The following PRC1 variants were observed in gnomAD, a reference collection of about 807,000 sequenced individuals.
PRC1 encodes the protein anaphase spindle elongation 1 homolog.
PRC1 carries 54 observed loss-of-function variants against 91.2 expected under a neutral mutation model. That is an observed-to-expected ratio of 0.59 (90% CI 0.48 to 0.74). PRC1 has a LOEUF of 0.74. Among genes scored for constraint, PRC1 ranks in the 30% least tolerant of loss-of-function variants. The probability of loss-of-function intolerance (pLI) is 0.00; values close to 1 mark genes in which losing one functional copy is unlikely to be tolerated. For missense variants in PRC1, 727 were observed against 746.2 expected, an observed-to-expected ratio of 0.97 and a Z score of 0.30; for synonymous variants, 275 against 263.6, an observed-to-expected ratio of 1.04 and a Z score of -0.42.
chr15:90,972,325 G>C (rs529072321), intron 11 of PRC1, among the ~76,000 whole-genome samples: 1 of 151,980 alleles, frequency 6.6e-6, no homozygotes, highest in African/African-American at 2.4e-5. Flanking sequence ...CTGAGCTGCA[G>C]TGAGCCATGA....
At position 90,974,136 on chromosome 15, in the gene PRC1, C is replaced by G. The variant is rs769755548; in HGVS notation, c.1461G>C (p.Lys487Asn). ...LAPNTPGKAR[K>N]LNTTTMSNAT... ...GTGTTTCCCTAAGCCTTGTGTTTAC[C>G]TTACGTGCTTTGCCCGGTGTATTGG... is the stretch of plus-strand genomic sequence containing the variant. The change falls in exon 11 of 15, where the codon AAG (lysine) becomes AAC (asparagine). Residue 487 changes from lysine (K) to asparagine (N), a missense_variant and splice_region_variant. Coordinates refer to ENST00000394249, the MANE Select transcript of PRC1 (RefSeq NM_003981.4). The surrounding 1 kb of genome is among the most constrained non-coding windows in gnomAD (Gnocchi z 4.6). 6.2e-7 allele frequency: 1 copy of G among 1,612,962 alleles called. No individual in the cohort carries two copies. Among genetic ancestry groups the G allele is most frequent in the East Asian group, 2.2e-5 (1 of 44,888 alleles).
chr15:90,967,199 C>T lies in PRC1; in HGVS notation c.1795G>A (p.Glu599Lys). 6.2e-7 allele frequency: 1 copy of T among 1,613,548 alleles called. No homozygotes were observed. The highest frequency in any genetic ancestry group is 8.5e-7 in the Non-Finnish European group (1 of 1,179,438). The change falls in exon 15 of 15, where the codon GAA becomes AAA. Residue 599 changes from glutamate to lysine, a missense_variant. Transcript: ENST00000394249. ...SDSSTVGLQR[E>K]LSKASKSDAT... ...TCAGATTTGGAAGCCTTTGAAAGTT[C>T]TCGCTGTTGAAAAATAAATAACATC...
chr15:90,985,689 G>A (rs1358442419), intron 1 of PRC1: 5 of 151,260 alleles, frequency 3.3e-5, no homozygotes, highest in Admixed American at 3.3e-4. Context: ...CTCCCAAGTA[G>A]CTCAGATTAC....
chr15:90,976,619 A>G (rs577528760), intron 9 of PRC1, 57 bp downstream of exon 9: 2 of 1,350,192 alleles, frequency 1.5e-6, no homozygotes, highest in African/African-American at 2.9e-5. Flanking sequence ...AAAAAGACAT[A>G]CAAATAGTGA....
chr15:90,967,293 C>A (rs1003170792), intron 14 of PRC1, 91 bp from the exon 15 acceptor site: 2 of 1,074,096 alleles, frequency 1.9e-6, no homozygotes, highest in East Asian at 2.4e-5. Context: ...GCAAAAGGTC[C>A]CTTGAAGGTA....
intron 14 of PRC1, chr15:90,968,837 G>A (rs2290203): frequency 0.23 from 299,883 of 1,314,436 alleles, 37,985 homozygotes; most frequent in East Asian, 0.49. Context: ...TCTGTTAAAC[G>A]TGATTTAAAA....
Position 90,969,558 on chromosome 15 carries a change from C to A in PRC1, c.1638G>T (p.Lys546Asn). 2 of 1,613,854 alleles carry A rather than the reference C, an allele frequency of 1.2e-6. No homozygotes were observed. The highest frequency in any genetic ancestry group is 2.2e-5 in the South Asian group (2 of 91,066). The change falls in exon 13 of 15, where the codon AAG becomes AAT. Residue 546 changes from lysine to asparagine, a missense_variant. By Grantham distance (94) the Lys-to-Asn change is moderately conservative (BLOSUM62 0). Coordinates refer to ENST00000394249, the MANE Select transcript of PRC1 (RefSeq NM_003981.4). The part of the protein sequence containing the change: ...TPRTGRHGAN[K>N]ENLELNGSIL... The stretch of plus-strand genomic sequence containing the variant: ...TGCTGCCGTTGAGCTCCAGGTTCTC[C>A]TTGTTGGCTCCATGCCTGCCAGTAC...
rs1293975647 is a variant in PRC1 at position 90,966,307 on chromosome 15, C to T, written c.*824G>A. 2 of 262,546 alleles carry T rather than the reference C, an allele frequency of 7.6e-6. No individual in the cohort carries two copies. Among genetic ancestry groups the T allele is most frequent in the South Asian group, 3.6e-5 (1 of 27,428 alleles). 16.3% of individuals were successfully genotyped at this position (262,546 alleles called of 1,614,324 possible). A position where few individuals can be genotyped will look rare whatever the true frequency, so the allele number is the denominator to read the frequency against. Reference sequence around the variant, plus strand: ...TGGAAGCTAGAGCAGGAACACCTCCCCAGTAGTGACATGTGCAAAGTTCCA... The same window carrying T: ...TGGAAGCTAGAGCAGGAACACCTCCTCAGTAGTGACATGTGCAAAGTTCCA... On this transcript the variant is annotated 3_prime_UTR_variant, in exon 15 of 15. Transcript: ENST00000394249.
In PRC1 at chr15:90,987,068, G is replaced by A. The variant is rs78996369; in HGVS notation, c.12-2243C>T. ...GCAGGAAAACTGTTTGAGCCCAGGA[G>A]TTTCAGATCATTCTGGGCAACATAG... is the stretch of plus-strand genomic sequence containing the variant. On this transcript the variant is annotated intron_variant, in intron 1 of 14. Coordinates refer to ENST00000394249, the MANE Select transcript of PRC1 (RefSeq NM_003981.4). Among the ~76,000 whole-genome samples the A allele has an allele frequency of 7.5e-5, 11 of 146,106 alleles. 1 individual carries two copies. Among genetic ancestry groups the A allele is most frequent in the African/African-American group, 2.6e-4 (10 of 39,134 alleles).
At chr15:90,968,491 G>T (rs2037740334) in intron 14 of PRC1, 5 of 985,866 alleles carry the variant, frequency 5.1e-6, no homozygotes, top group Non-Finnish European at 6.0e-6. Context: ...GTAAAAGGCA[G>T]TGTAGTTAGG....
intron 14 of PRC1, 199 bp downstream of exon 14, chr15:90,968,875 CCAATT>C: frequency 1.5e-6 from 2 of 1,378,332 alleles, no homozygotes; most frequent in Non-Finnish European, 1.9e-6. Context: ...GGCTGAGAAT[CCAATT>C]CAAGTCTGAA....
chr15:90,978,191 A>G (rs2038893198), intron 8 of PRC1, among the ~76,000 whole-genome samples: 1 of 152,222 alleles, frequency 6.6e-6, no homozygotes, highest in Non-Finnish European at 1.5e-5. Flanking sequence ...GTTGCCTATC[A>G]GAAGAAAAGG....
Position 90,984,288 on chromosome 15 carries a change from G to T in PRC1, c.145-148C>A. ...CTGTTGCCCAGGCTGGAGTGCAATG[G>T]CGTGCTTTCGGCTCACTGCAACCTC... On this transcript the variant is annotated intron_variant, in intron 2 of 14. Coordinates refer to ENST00000394249, the MANE Select transcript of PRC1 (RefSeq NM_003981.4). This position sits in a 1 kb window ranked among gnomAD's most constrained non-coding sequence, Gnocchi z 5.1. 8.9e-7 allele frequency: 1 copy of T among 1,121,692 alleles called. No homozygotes were observed. Among genetic ancestry groups the T allele is most frequent in the Non-Finnish European group, 1.3e-6 (1 of 796,000 alleles). The allele number at this position is 1,121,692 out of a possible 1,614,324, so 69.5% of individuals were successfully genotyped here.
chr15:90,973,541 C>T (rs935055341), intron 11 of PRC1, among the ~76,000 whole-genome samples: 4 of 151,816 alleles, frequency 2.6e-5, no homozygotes, highest in Non-Finnish European at 4.4e-5. Flanking sequence ...CAGGAGGATT[C>T]GTAAAAGAGG....
Position 90,980,375 on chromosome 15 carries a change from C to A in PRC1, c.837G>T (p.Val279=). The change falls in exon 7 of 15, where the codon GTG becomes GTT. Residue 279 remains valine, a synonymous_variant. Transcript: ENST00000394249. ...AKVRKALQLE[V]DRLEELKMQN... ...GCATTTTCAGTTCTTCCAACCGATCCACTTCTAATTGCAGCTGAAAGAAAG... is the reference window on the plus strand; with the variant it reads ...GCATTTTCAGTTCTTCCAACCGATCAACTTCTAATTGCAGCTGAAAGAAAG... 1 of 1,613,686 alleles carries A rather than the reference C, an allele frequency of 6.2e-7. No individual in the cohort carries two copies. Among genetic ancestry groups the A allele is most frequent in the South Asian group, 1.1e-5 (1 of 90,984 alleles).
At position 90,974,236 on chromosome 15, in the gene PRC1, T is replaced by C. The variant is rs373377878; in HGVS notation, c.1361A>G (p.Asn454Ser). ...ERAKQERQLKNKKQTETEMLY... is the reference protein window; with the variant it reads ...ERAKQERQLKSKKQTETEMLY... ...CATCTCTGTCTCTGTCTGTTTTTTG[T>C]TCTTCAGTTGCTGTGTGAAAGTCAG... Residue 454 changes from asparagine (N) to serine (S), a missense_variant, in exon 11 of 15, where the codon AAC becomes AGC. Asn to Ser is a conservative substitution (Grantham distance 46). Coordinates refer to ENST00000394249, the MANE Select transcript of PRC1 (RefSeq NM_003981.4). The surrounding 1 kb of genome is among the most constrained non-coding windows in gnomAD (Gnocchi z 4.6). The C allele has an allele frequency of 7.4e-6, 12 of 1,613,922 alleles. No individual in the cohort carries two copies. Among genetic ancestry groups the C allele is most frequent in the Non-Finnish European group, 1.0e-5 (12 of 1,179,868 alleles).
At chr15:90,968,380 G>A (rs2037726663) in intron 14 of PRC1, 1 of 985,434 alleles carries the variant, frequency 1.0e-6, no homozygotes, top group Admixed American at 6.2e-5. Context: ...CAGCAATTAA[G>A]AGGGGAGGCA....
chr15:90,969,285 C>G (rs186025958), intron 13 of PRC1, among the ~76,000 whole-genome samples, 162 bp downstream of exon 13: 13 of 152,110 alleles, frequency 8.5e-5, no homozygotes, highest in East Asian at 1.9e-4. Flanking sequence ...CACAACCCCC[C>G]CTTAAATCAC....
At chr15:90,989,481 A>T (rs1231283829) in intron 1 of PRC1, among the ~76,000 whole-genome samples, 1 of 149,114 alleles carries the variant, frequency 6.7e-6, no homozygotes, top group Non-Finnish European at 1.5e-5. Flanking sequence ...CCTGGGCCCA[A>T]GCAATCCTCC....
Sources: allele counts gnomAD v4.1 joint callset (sites outside exome capture counted in the v4.1 genomes callset), GRCh38; gene constraint gnomAD v4.1.1; non-coding constraint Gnocchi (gnomAD v3.1); transcripts MANE v1.5; gene names NCBI Gene and HGNC (gene_info 2026-07-23, HGNC 2026-07-21).